The following ZFAND3 variants were observed in gnomAD, a reference collection of about 807,000 sequenced individuals.
The protein encoded by ZFAND3 is AN1-type zinc finger protein 3.
In ZFAND3, 10 loss-of-function variants were observed where a neutral mutation model predicts 29.6. The ratio of observed to expected loss-of-function variants is 0.34; its 90% CI spans 0.21 to 0.57. The LOEUF (loss-of-function observed/expected upper bound fraction) is 0.57. Among genes scored for constraint, ZFAND3 ranks in the 20% least tolerant of loss-of-function variants. The pLI, the probability that ZFAND3 is intolerant of heterozygous loss-of-function variation, is 0.86. For missense variants in ZFAND3, 230 were observed against 304.5 expected, an observed-to-expected ratio of 0.76 and a Z score of 1.82; for synonymous variants, 128 against 112.6, an observed-to-expected ratio of 1.14 and a Z score of -0.87.
rs1485717160 is a variant in ZFAND3 at position 38,152,797 on chromosome 6, ACT to A, written c.*411_*412del. 7 of 988,600 alleles carry A rather than the reference ACT, an allele frequency of 7.1e-6. No individual in the cohort carries two copies. Among genetic ancestry groups the A allele is most frequent in the Non-Finnish European group, 6.0e-6 (5 of 832,052 alleles). 61.2% of individuals were successfully genotyped at this position (988,600 alleles called of 1,614,324 possible). On this transcript the variant is annotated 3_prime_UTR_variant, in exon 6 of 6. Transcript: ENST00000287218. The stretch of plus-strand genomic sequence containing the variant: ...CACGACGCACATGGCTTTGCCAGAA[ACT>A]CTGTTTAATGATCGGCCTTTCACCT...
intron 2 of ZFAND3, among the ~76,000 whole-genome samples, chr6:38,031,446 C>T (rs939232291): frequency 6.6e-5 from 10 of 152,190 alleles, no homozygotes; most frequent in Admixed American, 1.3e-4. Context: ...CTTTGCCCTT[C>T]GGGAAACAAC....
intron 2 of ZFAND3, among the ~76,000 whole-genome samples, chr6:37,933,182 T>G (rs192026151): frequency 6.6e-6 from 1 of 152,366 alleles, no homozygotes; most frequent in Admixed American, 6.5e-5. Flanking sequence ...ACAGTGTACT[T>G]TAAAAGATGG....
chr6:37,992,701 T>G (rs1029497312), intron 2 of ZFAND3, among the ~76,000 whole-genome samples: 1 of 152,226 alleles, frequency 6.6e-6, no homozygotes, highest in South Asian at 2.1e-4. Context: ...CAAATCTCTT[T>G]AATTGCCCCT....
chr6:37,921,211 A>G (rs1301256010), intron 1 of ZFAND3, among the ~76,000 whole-genome samples: 2 of 152,146 alleles, frequency 1.3e-5, no homozygotes, highest in Non-Finnish European at 2.9e-5. Flanking sequence ...TTTACAGACT[A>G]GTTTTTAGAA....
intron 5 of ZFAND3, among the ~76,000 whole-genome samples, chr6:38,127,740 A>T (rs1765662266): frequency 6.6e-6 from 1 of 151,768 alleles, no homozygotes; most frequent in African/African-American, 2.4e-5. Context: ...TCGAAAAGGT[A>T]GTCCCTCACC....
chr6:38,092,961 A>G (rs1467883526), intron 4 of ZFAND3, among the ~76,000 whole-genome samples: 1 of 152,174 alleles, frequency 6.6e-6, no homozygotes, highest in Non-Finnish European at 1.5e-5. Context: ...GAGATATTGT[A>G]GTTTTTCTCT....
chr6:38,025,503 T>A (rs975282511), intron 2 of ZFAND3, among the ~76,000 whole-genome samples: 1 of 152,236 alleles, frequency 6.6e-6, no homozygotes, highest in Admixed American at 6.5e-5. Context: ...CATGAAGATA[T>A]TGAATCTTGT....
intron 1 of ZFAND3, among the ~76,000 whole-genome samples, chr6:37,885,338 A>G (rs1396403238): frequency 6.6e-6 from 1 of 152,174 alleles, no homozygotes; most frequent in Non-Finnish European, 1.5e-5. Context: ...GAATACATTT[A>G]TATGGTTTAT....
chr6:37,926,374 C>T (rs1378912928), intron 1 of ZFAND3, among the ~76,000 whole-genome samples: 1 of 152,190 alleles, frequency 6.6e-6, no homozygotes, highest in African/African-American at 2.4e-5. Context: ...ATCCATTCTT[C>T]ACCTCTTCCA....
intron 2 of ZFAND3, among the ~76,000 whole-genome samples, chr6:37,952,508 GTC>G (rs945831155): frequency 1.3e-5 from 2 of 152,002 alleles, no homozygotes; most frequent in Admixed American, 6.5e-5. Flanking sequence ...GTTCATAATA[GTC>G]TCTGATAATT....
intron 2 of ZFAND3, among the ~76,000 whole-genome samples, chr6:38,034,187 C>T (rs572770257): frequency 6.6e-6 from 1 of 152,264 alleles, no homozygotes; most frequent in Non-Finnish European, 1.5e-5. Flanking sequence ...ATTGCATCTA[C>T]AGTGTTTTTA....
chr6:37,859,281 A>G (rs1206187395), intron 1 of ZFAND3, among the ~76,000 whole-genome samples: 1 of 152,210 alleles, frequency 6.6e-6, no homozygotes, highest in Non-Finnish European at 1.5e-5. Flanking sequence ...TTTAGATTCT[A>G]TCCATCTCAT....
At chr6:37,828,983 T>A (rs975642983) in intron 1 of ZFAND3, among the ~76,000 whole-genome samples, 1 of 152,202 alleles carries the variant, frequency 6.6e-6, no homozygotes, top group Non-Finnish European at 1.5e-5. Context: ...CAGTTGCTGC[T>A]GAAATCTAAA....
intron 1 of ZFAND3, among the ~76,000 whole-genome samples, chr6:37,880,153 A>G (rs1465255765): frequency 6.6e-6 from 1 of 152,230 alleles, no homozygotes; most frequent in Non-Finnish European, 1.5e-5. Context: ...AATTTTAAAA[A>G]TGTAGCAACA....
intron 1 of ZFAND3, among the ~76,000 whole-genome samples, chr6:37,824,227 T>C (rs1247187088): frequency 6.6e-6 from 1 of 152,258 alleles, no homozygotes; most frequent in Admixed American, 6.5e-5. Context: ...TTGTTGTATC[T>C]GAAATGAAAT....
chr6:38,043,257 C>T (rs1306574812), intron 2 of ZFAND3, among the ~76,000 whole-genome samples: 1 of 150,780 alleles, frequency 6.6e-6, no homozygotes, highest in Non-Finnish European at 1.5e-5. Context: ...TCTACTGCCA[C>T]CCTGTGAGCC....
In ZFAND3 at chr6:37,948,542, C is replaced by T. The variant is rs114671917; in HGVS notation, c.112+18543C>T. ...TAAATTATGTGTCATGGGGGTTTGG[C>T]GTACAGATTAGTCACCCAGGTGATA... On this transcript the variant is annotated intron_variant, in intron 2 of 5. Transcript: ENST00000287218. Among the ~76,000 whole-genome samples the T allele has an allele frequency of 5.0e-3, 756 of 152,170 alleles. 8 individuals carry two copies. Among genetic ancestry groups the T allele is most frequent in the African/African-American group, 0.015 (622 of 41,514 alleles).
chr6:37,904,568 A>G (rs1443230040), intron 1 of ZFAND3, among the ~76,000 whole-genome samples: 2 of 152,210 alleles, frequency 1.3e-5, no homozygotes. Context: ...GCCTGGCTGT[A>G]CATTTTCCCC....
chr6:38,023,425 T>A (rs1258093051), intron 2 of ZFAND3, among the ~76,000 whole-genome samples: 1 of 152,178 alleles, frequency 6.6e-6, no homozygotes, highest in African/African-American at 2.4e-5. Flanking sequence ...GATCAAAAAA[T>A]GATAAGTATA....
Sources: allele counts gnomAD v4.1 joint callset (sites outside exome capture counted in the v4.1 genomes callset), GRCh38; gene constraint gnomAD v4.1.1; transcripts MANE v1.5; gene names NCBI Gene and HGNC (gene_info 2026-07-23, HGNC 2026-07-21).